BSN: variants seen among roughly 807,000 people sequenced by gnomAD.
BSN encodes protein bassoon.
A neutral mutation model predicts 264.8 loss-of-function variants in BSN; 57 were observed. That is an observed-to-expected ratio of 0.22 (90% CI 0.17 to 0.27). The LOEUF is 0.27. Ranked by LOEUF, BSN falls within the 10% of genes least tolerant of loss-of-function variation. The pLI, the probability that BSN is intolerant of heterozygous loss-of-function variation, is 1.00. For synonymous variants in BSN, 2,059 were observed against 2,137.3 expected (o/e 0.96, Z 1.01); for missense variants, 4,615 against 5,232.5 (o/e 0.88, Z 3.64).
At chr3:49,647,042 G>A (rs1055622049) in intron 3 of BSN, among the ~76,000 whole-genome samples, 21 of 152,236 alleles carry the variant, frequency 1.4e-4, no homozygotes, top group Admixed American at 1.4e-3. Flanking sequence ...CCCTGGTCTG[G>A]CAGCAGGGCT....
rs1559614058 is a variant in BSN, at chr3:49,651,111, C to G, written c.1986+32C>G. ...CCCATTCACTTCCCAGAGACCCTAG[C>G]TTTCAGACAGGACAGTCTATGGAAA... On this transcript the variant is annotated intron_variant, in intron 4 of 11. Transcript: ENST00000296452. This position sits in a 1 kb window ranked among gnomAD's most constrained non-coding sequence, Gnocchi z 5.4. The G allele has an allele frequency of 6.3e-7, 1 of 1,581,802 alleles. No homozygotes were observed. The highest frequency in any genetic ancestry group is 8.6e-7 in the Non-Finnish European group (1 of 1,169,066).
At chr3:49,643,751 GC>G (rs1370713165) in intron 3 of BSN, among the ~76,000 whole-genome samples, 11 of 152,226 alleles carry the variant, frequency 7.2e-5, no homozygotes, top group Non-Finnish European at 1.5e-4. Context: ...CCAGGCTGGG[GC>G]TGGGCTCTCC....
chr3:49,669,085 A>C lies in BSN; in HGVS notation c.*1600A>C, dbSNP rs1475427316. 6.6e-6 allele frequency: 1 copy of C among 151,680 alleles called. No individual in the cohort carries two copies. The highest frequency in any genetic ancestry group is 1.5e-5 in the Non-Finnish European group (1 of 67,884). 9.4% of individuals were successfully genotyped at this position (151,680 alleles called of 1,614,324 possible). ...GTCACCGCCTGTCCTGCAGTGGAGC[A>C]TGCACAGCTCGCAGCCTCTTTGCAC... On this transcript the variant is annotated 3_prime_UTR_variant, in exon 12 of 12. Transcript: ENST00000296452.
chr3:49,605,424 ATATATAATATATATTATATATAT>A lies in BSN; in HGVS notation c.225-19528_225-19506del, dbSNP rs1559602727. On this transcript the variant is annotated intron_variant, in intron 1 of 11. Transcript: ENST00000296452. ...TTTATATAATTTATATTTTATATTT[ATATATAATATATATTATATATAT>A]TATATAATATATATTATATATAATA... 1.7e-3 allele frequency among the ~76,000 whole-genome samples: 53 copies of A among 31,366 alleles called. 1 individual carries two copies. Among genetic ancestry groups the A allele is most frequent in the African/African-American group, 7.1e-3 (52 of 7,278 alleles). The allele number at this position is 31,366 out of a possible 152,430, so 20.6% of individuals were successfully genotyped here.
chr3:49,664,550 G>A lies in BSN; in HGVS notation c.11736G>A (p.Thr3912=), dbSNP rs9858542. ...CAGCCGAGCAAGCTGGCAAACTGAC[G>A]GAAGGTATGCACTGCCTGCAACTGG... The part of the protein sequence containing the change: ...GGAAEQAGKL[T]EAVSAFGKKF... The change falls in exon 9 of 12, where the codon ACG becomes ACA. Residue 3912 remains threonine, a synonymous_variant. Coordinates refer to ENST00000296452, the MANE Select transcript of BSN (RefSeq NM_003458.4). 0.28 allele frequency: 452,688 copies of A among 1,601,082 alleles called. 68,142 individuals are homozygous for A. Among genetic ancestry groups the A allele is most frequent in the Middle Eastern group, 0.3 (1,790 of 5,980 alleles).
chr3:49,656,209 C>T lies in BSN; in HGVS notation c.6653C>T (p.Pro2218Leu), dbSNP rs1472812887. 6.2e-7 allele frequency: 1 copy of T among 1,610,570 alleles called. No individual in the cohort carries two copies. Among genetic ancestry groups the T allele is most frequent in the Non-Finnish European group, 8.5e-7 (1 of 1,178,464 alleles). ...ACCCAGCCTGCCTCAGTCCTGCGGC[C>T]CATGGTGCGTGGTGGCATGTACAGG... ...ITTQPASVLR[P>L]MVRGGMYRPY... is the part of the protein sequence containing the mutation. The change falls in exon 5 of 12, where the codon CCC becomes CTC. Residue 2218 changes from proline (P) to leucine (L), a missense_variant. By Grantham distance (98) the Pro-to-Leu change is moderately conservative (BLOSUM62 -3). Coordinates refer to ENST00000296452, the MANE Select transcript of BSN (RefSeq NM_003458.4).
At chr3:49,649,270 T>C (rs1404483744) in intron 3 of BSN, among the ~76,000 whole-genome samples, 3 of 152,218 alleles carry the variant, frequency 2.0e-5, no homozygotes, top group African/African-American at 7.2e-5. Flanking sequence ...TCCAGTCCTC[T>C]GGCTCTGTGA....
chr3:49,656,367 T>C lies in BSN; in HGVS notation c.6811T>C (p.Ser2271Pro), dbSNP rs1006939348. 2.5e-6 allele frequency: 4 copies of C among 1,601,456 alleles called. No individual in the cohort carries two copies. Among genetic ancestry groups the C allele is most frequent in the Non-Finnish European group, 3.4e-6 (4 of 1,173,156 alleles). Residue 2271 changes from serine to proline, a missense_variant, in exon 5 of 12, where the codon TCC (serine) becomes CCC (proline). By Grantham distance (74) the Ser-to-Pro change is moderately conservative. Transcript: ENST00000296452. ...YPAPSRFPIA[S>P]SVPPAEGPVY... ...TGCACCAAGTAGATTTCCCATTGCT[T>C]CCAGTGTTCCACCTGCAGAAGGGCC... is the stretch of plus-strand genomic sequence containing the variant.
chr3:49,662,690 C>T (rs2052670970), intron 6 of BSN, 128 bp downstream of exon 6: 2 of 1,455,884 alleles, frequency 1.4e-6, no homozygotes, highest in Non-Finnish European at 1.8e-6. Context: ...GGCCCTGCTG[C>T]AGGCAGGCTG....
chr3:49,606,096 AAC>A lies in BSN; in HGVS notation c.225-18877_225-18876del, dbSNP rs2052136819. Among the ~76,000 whole-genome samples the A allele has an allele frequency of 5.6e-5, 4 of 70,890 alleles. 1 individual carries two copies. The highest frequency in any genetic ancestry group is 1.2e-4 in the African/African-American group (2 of 17,280). The allele number at this position is 70,890 out of a possible 152,430, so 46.5% of individuals were successfully genotyped here. On this transcript the variant is annotated intron_variant, in intron 1 of 11. Coordinates refer to ENST00000296452, the MANE Select transcript of BSN (RefSeq NM_003458.4). ...TAAAAATATATAATTTTTTATATAT[AAC>A]ATATAATATATAATATATACGTATA...
At chr3:49,662,827 C>A (rs761095770) in intron 6 of BSN, 49 bp from the exon 7 acceptor site, 14 of 1,519,754 alleles carry the variant, frequency 9.2e-6, no homozygotes, top group Non-Finnish European at 1.2e-5. Flanking sequence ...TAGGCCTCCC[C>A]CTGCGGCTAG....
At chr3:49,582,567 A>C (rs1163382403) in intron 1 of BSN, among the ~76,000 whole-genome samples, 1 of 152,194 alleles carries the variant, frequency 6.6e-6, no homozygotes, top group Non-Finnish European at 1.5e-5. Context: ...TACATGTAAG[A>C]TCATGTGGTC....
At chr3:49,616,708 C>T (rs1287378638) in intron 1 of BSN, among the ~76,000 whole-genome samples, 1 of 152,174 alleles carries the variant, frequency 6.6e-6, no homozygotes, top group Admixed American at 6.5e-5. Context: ...GCCCTCCTTC[C>T]CACTGTGCAC....
intron 1 of BSN, among the ~76,000 whole-genome samples, chr3:49,563,232 C>T (rs1158784450): frequency 6.6e-6 from 1 of 152,146 alleles, no homozygotes; most frequent in Admixed American, 6.5e-5. Flanking sequence ...CAACCCACCT[C>T]TGGGTTGCTT....
At chr3:49,613,350 A>AGAGAGAGAGAGAGAGAC (rs1553662899) in intron 1 of BSN, among the ~76,000 whole-genome samples, 3 of 18,052 alleles carry the variant, frequency 1.7e-4, no homozygotes, top group South Asian at 2.3e-3. Flanking sequence ...GAGAGAGAGA[A>AGAGAGAGAGAGAGAGAC]GGGCTGGCCC....
chr3:49,655,268 C>G lies in BSN; in HGVS notation c.5712C>G (p.Val1904=), dbSNP rs2052588498. 1 of 1,613,130 alleles carries G rather than the reference C, an allele frequency of 6.2e-7. No individual in the cohort carries two copies. The highest frequency in any genetic ancestry group is 8.5e-7 in the Non-Finnish European group (1 of 1,179,978). The change falls in exon 5 of 12, where the codon GTC becomes GTG. Residue 1904 remains valine (V), a synonymous_variant. Transcript: ENST00000296452. ...PESQLACCDM[V]YKLPFGSSCT... ...GCCAGCTGGCATGCTGTGACATGGT[C>G]TACAAGCTCCCCTTTGGCAGCAGCT...
At position 49,655,618 on chromosome 3, in the gene BSN, A is replaced by ACTCCTACAGCCTGGG. The variant is rs1320737237; in HGVS notation, c.6065_6079dup (p.Ser2022_Gly2026dup). 1 of 1,613,440 alleles carries ACTCCTACAGCCTGGG rather than the reference A, an allele frequency of 6.2e-7. No individual in the cohort carries two copies. Among genetic ancestry groups the ACTCCTACAGCCTGGG allele is most frequent in the Non-Finnish European group, 8.5e-7 (1 of 1,179,982 alleles). On this transcript the variant is annotated inframe_insertion, in exon 5 of 12. Coordinates refer to ENST00000296452, the MANE Select transcript of BSN (RefSeq NM_003458.4). ...GCTATGGACCTCAGCTCACTGAAGC[A>ACTCCTACAGCCTGGG]CTCCTACAGCCTGGGCTTTGCGGAT...
chr3:49,640,505 TTTAA>T (rs2052455358), intron 2 of BSN: 2 of 152,186 alleles, frequency 1.3e-5, no homozygotes, highest in African/African-American at 4.8e-5. Flanking sequence ...TATTTATTTA[TTTAA>T]TTATTTTGAG....
At chr3:49,658,227 A>C (rs1316439029) in intron 5 of BSN, 31 bp downstream of exon 5, 2 of 1,507,212 alleles carry the variant, frequency 1.3e-6, no homozygotes, top group African/African-American at 1.4e-5. Context: ...CCAGGGTGGG[A>C]CAGGGGTCTC....
Sources: gnomAD v4.1 joint callset for allele counts (sites outside exome capture counted in the v4.1 genomes callset) on GRCh38, gnomAD v4.1.1 for gene constraint, Gnocchi (gnomAD v3.1) non-coding constraint, MANE v1.5 for transcripts, NCBI Gene and HGNC (gene_info 2026-07-23, HGNC 2026-07-21) for gene names.